The following ADAMTSL1 variants were observed in gnomAD, a reference collection of about 807,000 sequenced individuals.
ADAMTSL1 encodes the protein ADAMTS-like protein 1.
ADAMTSL1 carries 126 observed loss-of-function variants against 201.8 expected under a neutral mutation model. The observed-to-expected ratio is 0.62, with a 90% CI of 0.54 to 0.72. The LOEUF is 0.72. Among genes scored for constraint, ADAMTSL1 ranks in the 30% least tolerant of loss-of-function variants. The pLI is 0.00. For synonymous variants in ADAMTSL1, 1,121 were observed against 903.4 expected (o/e 1.24, Z -4.32); for missense variants, 2,679 against 2,277.8 (o/e 1.18, Z -3.59).
intron 2 of ADAMTSL1, among the ~76,000 whole-genome samples, chr9:18,411,024 TG>T (rs200695862): frequency 6.7e-6 from 1 of 149,678 alleles, no homozygotes; most frequent in Non-Finnish European, 1.5e-5. Context: ...TTTTTTTGTT[TG>T]GTTTTTTTTT....
chr9:18,730,227 T>G (rs186297003), intron 15 of ADAMTSL1, among the ~76,000 whole-genome samples: 1 of 152,360 alleles, frequency 6.6e-6, no homozygotes, highest in Non-Finnish European at 1.5e-5. Context: ...GTTTTTCTAT[T>G]GACCTTATAG....
intron 24 of ADAMTSL1, among the ~76,000 whole-genome samples, chr9:18,888,860 CTTTTCAGACAGGAAAACAAATG>C (rs1344942822): frequency 1.3e-5 from 2 of 152,210 alleles, no homozygotes; most frequent in African/African-American, 4.8e-5. Context: ...CACCATTTGG[CTTTTCAGACAGGAAAACAAATG>C]TTTTCAGACA....
chr9:18,142,966 A>G (rs1283205143), intron 1 of ADAMTSL1, among the ~76,000 whole-genome samples: 1 of 152,220 alleles, frequency 6.6e-6, no homozygotes, highest in Non-Finnish European at 1.5e-5. Context: ...GAACTAGTGT[A>G]CATGAAACAC....
intron 3 of ADAMTSL1, among the ~76,000 whole-genome samples, chr9:18,571,258 A>T (rs1446880091): frequency 6.6e-6 from 1 of 152,206 alleles, no homozygotes. Context: ...TCATATTAAG[A>T]GGTCTCTTAA....
chr9:18,145,881 A>G (rs1431296354), intron 1 of ADAMTSL1, among the ~76,000 whole-genome samples: 2 of 152,230 alleles, frequency 1.3e-5, no homozygotes, highest in African/African-American at 4.8e-5. Context: ...AAGATAAACA[A>G]AGAGCTCTTA....
chr9:18,099,556 A>C (rs1318390281), intron 1 of ADAMTSL1, among the ~76,000 whole-genome samples: 1 of 149,592 alleles, frequency 6.7e-6, no homozygotes, highest in Non-Finnish European at 1.5e-5. Context: ...CTGTATGTCG[A>C]AATTTTTTTT....
intron 9 of ADAMTSL1, among the ~76,000 whole-genome samples, chr9:18,671,435 A>G (rs568603659): frequency 6.6e-6 from 1 of 152,220 alleles, no homozygotes; most frequent in Non-Finnish European, 1.5e-5. Flanking sequence ...AACTTGTGTC[A>G]GGAGGAGATC....
chr9:18,565,112 C>A (rs980618241), intron 3 of ADAMTSL1, among the ~76,000 whole-genome samples: 2 of 152,174 alleles, frequency 1.3e-5, no homozygotes, highest in Admixed American at 6.5e-5. Context: ...AGATAACAAG[C>A]TATAATAGAG....
At chr9:18,346,381 G>T (rs1406488123) in intron 2 of ADAMTSL1, among the ~76,000 whole-genome samples, 1 of 152,150 alleles carries the variant, frequency 6.6e-6, no homozygotes, top group Non-Finnish European at 1.5e-5. Flanking sequence ...TAGCAAAAGA[G>T]CTCGAGCTTT....
intron 1 of ADAMTSL1, among the ~76,000 whole-genome samples, chr9:17,933,359 C>A (rs967479501): frequency 1.3e-5 from 2 of 152,092 alleles, no homozygotes; most frequent in South Asian, 4.1e-4. Context: ...CCGGGATAAT[C>A]CAAGATAATC....
chr9:18,146,070 T>C (rs1304652943), intron 1 of ADAMTSL1, among the ~76,000 whole-genome samples: 1 of 152,096 alleles, frequency 6.6e-6, no homozygotes, highest in African/African-American at 2.4e-5. Flanking sequence ...ATCCAAAAAC[T>C]AGTCAATATT....
intron 1 of ADAMTSL1, among the ~76,000 whole-genome samples, chr9:18,044,097 G>A (rs1233871177): frequency 1.3e-5 from 2 of 150,252 alleles, no homozygotes; most frequent in Non-Finnish European, 3.0e-5. Flanking sequence ...CTATGTGTAG[G>A]CTATTGCAAT....
intron 2 of ADAMTSL1, among the ~76,000 whole-genome samples, chr9:18,317,206 G>T (rs908667771): frequency 6.6e-6 from 1 of 152,050 alleles, no homozygotes; most frequent in Non-Finnish European, 1.5e-5. Flanking sequence ...GAAGCAGAGA[G>T]TAAAACAGTG....
chr9:18,179,490 G>A (rs1211505079), intron 2 of ADAMTSL1, among the ~76,000 whole-genome samples: 3 of 152,112 alleles, frequency 2.0e-5, no homozygotes, highest in African/African-American at 7.2e-5. Context: ...AATCTAGCAA[G>A]GCAGGCCAAC....
chr9:18,888,154 A>G, intron 24 of ADAMTSL1, 111 bp downstream of exon 24: 1 of 1,144,496 alleles, frequency 8.7e-7, no homozygotes, highest in Non-Finnish European at 1.2e-6. Context: ...TACTCAAGGC[A>G]TGAAAACCAA....
intron 1 of ADAMTSL1, among the ~76,000 whole-genome samples, chr9:18,074,757 A>C (rs1823138515): frequency 1.3e-5 from 2 of 151,440 alleles, no homozygotes; most frequent in Admixed American, 6.6e-5. Context: ...GGCCCAACTA[A>C]TTTTTGTATT....
At chr9:18,547,633 T>TAAATAAAAAA (rs1554702002) in intron 3 of ADAMTSL1, among the ~76,000 whole-genome samples, 1 of 86,268 alleles carries the variant, frequency 1.2e-5, no homozygotes, top group African/African-American at 5.2e-5. Context: ...TATATATATA[T>TAAATAAAAAA]AAAAAAAAAA....
intron 4 of ADAMTSL1, among the ~76,000 whole-genome samples, chr9:18,590,601 T>G (rs1160677549): frequency 6.6e-6 from 1 of 152,040 alleles, no homozygotes; most frequent in African/African-American, 2.4e-5. Context: ...TTGAGATGCA[T>G]CATTAGGTTG....
At chr9:18,302,024 T>C (rs1328085312) in intron 2 of ADAMTSL1, among the ~76,000 whole-genome samples, 1 of 152,214 alleles carries the variant, frequency 6.6e-6, no homozygotes, top group African/African-American at 2.4e-5. Flanking sequence ...GGATGTTAGA[T>C]TTATTTTCAT....
Sources: allele counts gnomAD v4.1 joint callset (sites outside exome capture counted in the v4.1 genomes callset), GRCh38; gene constraint gnomAD v4.1.1; transcripts MANE v1.5; gene names NCBI Gene and HGNC (gene_info 2026-07-23, HGNC 2026-07-21).